SUSD1: variants seen among roughly 807,000 people sequenced by gnomAD.
SUSD1 encodes the protein sushi domain containing 1.
In SUSD1, 65 loss-of-function variants were observed where a neutral mutation model predicts 86.9. The observed-to-expected ratio is 0.75, with a 90% CI of 0.61 to 0.92. The LOEUF is 0.92. Ranked by LOEUF, SUSD1 falls within the 40% of genes least tolerant of loss-of-function variation. The probability of loss-of-function intolerance (pLI) is 0.00; values close to 1 mark genes in which losing one functional copy is unlikely to be tolerated. For missense variants in SUSD1, 850 were observed against 929.7 expected, an observed-to-expected ratio of 0.91 and a Z score of 1.11; for synonymous variants, 346 against 350.0, an observed-to-expected ratio of 0.99 and a Z score of 0.13.
chr9:112,041,976 A>C lies in SUSD1; in HGVS notation c.2150-16T>G, dbSNP rs759425720. ...AGTGACGAATCTGTGGGACAAAACC[A>C]CAGGCTTAGCCCAGAGTGCACGGCA... is the stretch of plus-strand genomic sequence containing the variant. On this transcript the variant is annotated splice_polypyrimidine_tract_variant and intron_variant, in intron 15 of 16. Coordinates refer to ENST00000374270, the MANE Select transcript of SUSD1 (RefSeq NM_022486.5). The C allele has an allele frequency of 3.1e-6, 5 of 1,612,966 alleles. 1 individual carries two copies. In the Admixed American group the frequency reaches 8.3e-5, roughly 27 times the overall value.
At chr9:112,163,681 G>A (rs1833662834) in intron 1 of SUSD1, among the ~76,000 whole-genome samples, 1 of 151,838 alleles carries the variant, frequency 6.6e-6, no homozygotes, top group South Asian at 2.1e-4. Flanking sequence ...TCCTTATAAA[G>A]ATGCAGAGAT....
intron 15 of SUSD1, among the ~76,000 whole-genome samples, chr9:112,045,153 T>TTTTGC (rs1489112447): frequency 6.6e-6 from 1 of 152,242 alleles, no homozygotes; most frequent in South Asian, 2.1e-4. Flanking sequence ...TTTTGTTTTG[T>TTTTGC]TTTGTTTTTA....
At chr9:112,066,265 G>T (rs1176284854) in intron 12 of SUSD1, among the ~76,000 whole-genome samples, 1 of 152,140 alleles carries the variant, frequency 6.6e-6, no homozygotes, top group Non-Finnish European at 1.5e-5. Context: ...AGAGCTTGGG[G>T]GTCCTGGGGT....
chr9:112,137,781 T>C (rs1377136096), intron 5 of SUSD1: 1 of 152,178 alleles, frequency 6.6e-6, no homozygotes, highest in African/African-American at 2.4e-5. Context: ...TTGTCTGATA[T>C]GTGAAAAATT....
At chr9:112,064,894 A>AG in intron 12 of SUSD1, among the ~76,000 whole-genome samples, 1 of 151,468 alleles carries the variant, frequency 6.6e-6, no homozygotes, top group Non-Finnish European at 1.5e-5. Context: ...AAAAAAAAAA[A>AG]GAAGCCTCAG....
rs1292594161 is a variant in SUSD1 at position 112,080,138 on chromosome 9, C to A, written c.1502G>T (p.Gly501Val). Residue 501 changes from glycine (G) to valine (V), a missense_variant, in exon 11 of 17, where the codon GGA becomes GTA. Physicochemically the swap from Gly to Val is moderately radical, Grantham distance 109. Coordinates refer to ENST00000374270, the MANE Select transcript of SUSD1 (RefSeq NM_022486.5). Reference sequence around the variant, plus strand: ...CCATCTCAAGCAGGTTTCATTAAATCCTGAAATGTTACTGATGGTCTGTTT... The same window carrying A: ...CCATCTCAAGCAGGTTTCATTAAATACTGAAATGTTACTGATGGTCTGTTT... ...AVKQTISNIS[G>V]FNETCLRWRS... 1 of 1,613,330 alleles carries A rather than the reference C, an allele frequency of 6.2e-7. No individual in the cohort carries two copies. The highest frequency in any genetic ancestry group is 1.7e-5 in the Admixed American group (1 of 60,008).
chr9:112,170,692 C>CATATATATATATATAT (rs3983405), intron 1 of SUSD1, among the ~76,000 whole-genome samples: 62 of 120,032 alleles, frequency 5.2e-4, no homozygotes, highest in Admixed American at 1.1e-3. Flanking sequence ...ATGGCCAGAT[C>CATATATATATATATAT]ATATATATAT....
intron 15 of SUSD1, 160 bp downstream of exon 15, chr9:112,052,239 C>G (rs1344094494): frequency 6.5e-7 from 1 of 1,538,416 alleles, no homozygotes; most frequent in South Asian, 1.2e-5. Flanking sequence ...ATCCACTCAC[C>G]CTCCTCCCAT....
chr9:112,079,752 G>A (rs28711442), intron 11 of SUSD1, among the ~76,000 whole-genome samples: 17,613 of 151,876 alleles, frequency 0.12, 1,108 homozygotes, highest in East Asian at 0.24. Flanking sequence ...ACAGCTATGC[G>A]CCACTACGCT....
At chr9:112,055,563 T>A (rs1828411296) in intron 14 of SUSD1, among the ~76,000 whole-genome samples, 1 of 152,180 alleles carries the variant, frequency 6.6e-6, no homozygotes, top group South Asian at 2.1e-4. Flanking sequence ...CTGGTGGGAA[T>A]GGAAAATGGT....
intron 14 of SUSD1, among the ~76,000 whole-genome samples, chr9:112,058,072 T>C (rs1275349720): frequency 6.6e-6 from 1 of 152,106 alleles, no homozygotes; most frequent in African/African-American, 2.4e-5. Flanking sequence ...CCCAGGAGAA[T>C]GAGAGAAGCA....
intron 13 of SUSD1, among the ~76,000 whole-genome samples, chr9:112,059,317 C>T (rs1382191823): frequency 1.3e-5 from 2 of 152,208 alleles, no homozygotes; most frequent in African/African-American, 4.8e-5. Flanking sequence ...AGTATCACTG[C>T]CCTGTGTGTG....
chr9:112,131,701 G>A (rs1412748820), intron 5 of SUSD1, among the ~76,000 whole-genome samples: 2 of 152,142 alleles, frequency 1.3e-5, no homozygotes, highest in African/African-American at 2.4e-5. Flanking sequence ...TTTAAAAGCA[G>A]TTCATACCCC....
At chr9:112,087,981 A>G (rs1830052734) in intron 10 of SUSD1, among the ~76,000 whole-genome samples, 1 of 152,230 alleles carries the variant, frequency 6.6e-6, no homozygotes, top group Non-Finnish European at 1.5e-5. Flanking sequence ...CTTCACTCAA[A>G]GAAATAAACA....
chr9:112,110,780 C>A (rs1193345594), intron 8 of SUSD1, among the ~76,000 whole-genome samples: 2 of 151,782 alleles, frequency 1.3e-5, no homozygotes, highest in Admixed American at 6.6e-5. Context: ...TGTTAAAAAC[C>A]CACATGACAA....
intron 1 of SUSD1, among the ~76,000 whole-genome samples, chr9:112,165,234 A>G (rs1265296318): frequency 1.3e-5 from 2 of 152,148 alleles, no homozygotes; most frequent in African/African-American, 4.8e-5. Flanking sequence ...TAGGCATGCA[A>G]TGCGTAGTAA....
chr9:112,155,175 C>T (rs1287196043), intron 2 of SUSD1, among the ~76,000 whole-genome samples: 1 of 151,644 alleles, frequency 6.6e-6, no homozygotes, highest in Admixed American at 6.6e-5. Context: ...CACTTGAACC[C>T]AGGAGGCAGA....
chr9:112,099,614 G>A (rs1434871950), intron 9 of SUSD1, among the ~76,000 whole-genome samples: 1 of 152,088 alleles, frequency 6.6e-6, no homozygotes, highest in African/African-American at 2.4e-5. Context: ...CTCCAGCAGG[G>A]AATTATAGGG....
intron 14 of SUSD1, among the ~76,000 whole-genome samples, chr9:112,053,408 G>T (rs938762811): frequency 6.7e-5 from 10 of 150,240 alleles, no homozygotes; most frequent in African/African-American, 2.5e-4. Flanking sequence ...CCAGCTACTT[G>T]GAAGGCTGAG....
Sources: allele counts gnomAD v4.1 joint callset (sites outside exome capture counted in the v4.1 genomes callset), GRCh38; gene constraint gnomAD v4.1.1; transcripts MANE v1.5; gene names NCBI Gene and HGNC (gene_info 2026-07-23, HGNC 2026-07-21).